Variants in ACTG2 observed in about 807,000 individuals in gnomAD.
ACTG2 encodes actin, gamma-enteric smooth muscle.
ACTG2 carries 16 observed loss-of-function variants against 37.6 expected under a neutral mutation model. The observed-to-expected ratio is 0.43, with a 90% CI of 0.29 to 0.65. The LOEUF is 0.65. Ranked by LOEUF, ACTG2 falls within the 30% of genes least tolerant of loss-of-function variation. ACTG2 has a pLI of 0.18. For synonymous variants in ACTG2, 181 were observed against 179.9 expected (o/e 1.01, Z -0.05); for missense variants, 238 against 490.9 (o/e 0.48, Z 4.87).
chr2:73,906,483 A>AATAAATAAATAAATAAATAAATAC (rs142230122), intron 3 of ACTG2, among the ~76,000 whole-genome samples: 4 of 149,998 alleles, frequency 2.7e-5, no homozygotes, highest in African/African-American at 9.7e-5. Context: ...TAAATAAATA[A>AATAAATAAATAAATAAATAAATAC]ATACATAAAA....
intron 5 of ACTG2, among the ~76,000 whole-genome samples, chr2:73,911,777 A>G (rs944930666): frequency 6.6e-6 from 1 of 152,248 alleles, no homozygotes; most frequent in Admixed American, 6.5e-5. Context: ...CCAAAATGTC[A>G]TTATGTGGAC....
chr2:73,904,769 GTGTGTGTGTATATATATATATA>G (rs1156934497), intron 3 of ACTG2, among the ~76,000 whole-genome samples: 557 of 36,328 alleles, frequency 0.015, 7 homozygotes, highest in African/African-American at 0.048. Flanking sequence ...GTGTGTGTGT[GTGTGTGTGTATATATATATATA>G]TATATATATA....
At chr2:73,902,902 T>G in intron 3 of ACTG2, 1 of 900,106 alleles carries the variant, frequency 1.1e-6, no homozygotes, top group Non-Finnish European at 1.6e-6. Flanking sequence ...TCCTGCAATA[T>G]TTACTCAGGC....
At chr2:73,900,613 C>G (rs1019904538) in intron 1 of ACTG2, among the ~76,000 whole-genome samples, 1 of 152,224 alleles carries the variant, frequency 6.6e-6, no homozygotes, top group African/African-American at 2.4e-5. Context: ...CATCAAGGTG[C>G]TTCTACCCTT....
chr2:73,906,177 C>T (rs1465186316), intron 3 of ACTG2, among the ~76,000 whole-genome samples: 1 of 151,796 alleles, frequency 6.6e-6, no homozygotes, highest in South Asian at 2.1e-4. Context: ...TTTGGCCGGG[C>T]GCGGTGGCTC....
intron 1 of ACTG2, among the ~76,000 whole-genome samples, chr2:73,895,130 C>T (rs1679716784): frequency 6.6e-6 from 1 of 151,992 alleles, no homozygotes; most frequent in African/African-American, 2.4e-5. Context: ...TCTGTGAGGG[C>T]AGCTCCGGGC....
chr2:73,895,499 A>G (rs1355993028), intron 1 of ACTG2, among the ~76,000 whole-genome samples: 3 of 152,186 alleles, frequency 2.0e-5, no homozygotes, highest in Non-Finnish European at 4.4e-5. Flanking sequence ...TGGTTTGTAT[A>G]TACGTGTAGG....
intron 1 of ACTG2, among the ~76,000 whole-genome samples, chr2:73,899,236 G>A (rs1679824286): frequency 6.6e-6 from 1 of 152,144 alleles, no homozygotes; most frequent in African/African-American, 2.4e-5. Flanking sequence ...GCTGAGGCAG[G>A]AGAATCACTT....
At chr2:73,893,336 C>T (rs1679669119) in intron 1 of ACTG2, among the ~76,000 whole-genome samples, 2 of 152,080 alleles carry the variant, frequency 1.3e-5, no homozygotes, top group African/African-American at 4.8e-5. Flanking sequence ...CCCTGCTCCC[C>T]AGGGCCAGTG....
intron 1 of ACTG2, among the ~76,000 whole-genome samples, chr2:73,894,068 C>T (rs1366064656): frequency 6.6e-6 from 1 of 152,144 alleles, no homozygotes; most frequent in Non-Finnish European, 1.5e-5. Context: ...TGCGTATATA[C>T]AGCACTCAGC....
At chr2:73,902,039 G>GTGTGTGTGTC (rs1194843453) in intron 2 of ACTG2, among the ~76,000 whole-genome samples, 3 of 40,762 alleles carry the variant, frequency 7.4e-5, no homozygotes, top group South Asian at 7.4e-4. Context: ...GTGTGTGTGT[G>GTGTGTGTGTC]TCTGTGTGTG....
intron 3 of ACTG2, among the ~76,000 whole-genome samples, chr2:73,906,483 A>AATAAATGC (rs142230122): frequency 2.0e-5 from 3 of 149,998 alleles, no homozygotes; most frequent in Admixed American, 2.0e-4. Flanking sequence ...TAAATAAATA[A>AATAAATGC]ATACATAAAA....
At chr2:73,913,181 A>G (rs2104820569) in intron 5 of ACTG2, among the ~76,000 whole-genome samples, 1 of 152,020 alleles carries the variant, frequency 6.6e-6, no homozygotes, top group South Asian at 2.1e-4. Context: ...AAAAAAAAAA[A>G]AAAAAGAATA....
intron 3 of ACTG2, among the ~76,000 whole-genome samples, chr2:73,908,091 G>A (rs562911985): frequency 2.6e-5 from 4 of 152,270 alleles, no homozygotes; most frequent in Non-Finnish European, 4.4e-5. Context: ...AAGGGATGTC[G>A]AGGCACCCAA....
At chr2:73,915,203 G>A (rs890046590) in intron 7 of ACTG2, among the ~76,000 whole-genome samples, 7 of 148,926 alleles carry the variant, frequency 4.7e-5, no homozygotes, top group African/African-American at 1.8e-4. Flanking sequence ...TCTACAGTGT[G>A]GAATCATATT....
At chr2:73,905,781 A>C (rs1364433769) in intron 3 of ACTG2, among the ~76,000 whole-genome samples, 1 of 152,144 alleles carries the variant, frequency 6.6e-6, no homozygotes, top group African/African-American at 2.4e-5. Context: ...TCTTCTTTGG[A>C]AAACATCCTG....
intron 4 of ACTG2, 67 bp from the exon 5 acceptor site, chr2:73,908,988 C>T (rs972413045): frequency 6.7e-7 from 1 of 1,485,182 alleles, no homozygotes; most frequent in African/African-American, 1.4e-5. Flanking sequence ...GATTACAAAC[C>T]ATTCTACAGG....
chr2:73,914,912 A>G (rs1435857163), intron 7 of ACTG2, 41 bp downstream of exon 7: 1 of 1,455,648 alleles, frequency 6.9e-7, no homozygotes, highest in Non-Finnish European at 9.2e-7. Context: ...TCAGGAGGGG[A>G]GGGTGGAGGA....
intron 3 of ACTG2, chr2:73,908,362 T>C (rs1259184824): frequency 6.0e-6 from 3 of 504,080 alleles, no homozygotes; most frequent in Admixed American, 4.6e-5. Context: ...AGTGATACAA[T>C]GTGCCTTGCA....
Sources: allele counts gnomAD v4.1 joint callset (sites outside exome capture counted in the v4.1 genomes callset), GRCh38; gene constraint gnomAD v4.1.1; transcripts MANE v1.5; gene names NCBI Gene and HGNC (gene_info 2026-07-23, HGNC 2026-07-21).